GRWD1: variants seen among roughly 807,000 people sequenced by gnomAD.
The protein encoded by GRWD1 is glutamate rich WD repeat containing 1, also known as glutamate-rich WD repeat-containing protein 1.
Under a neutral mutation model 45.3 loss-of-function variants are expected in GRWD1, and 29 were observed. The ratio of observed to expected loss-of-function variants is 0.64; its 90% CI spans 0.48 to 0.87. The LOEUF is 0.87. Ranked by LOEUF, GRWD1 falls within the 40% of genes least tolerant of loss-of-function variation. GRWD1 has a pLI of 0.00. For synonymous variants in GRWD1, 262 were observed against 257.6 expected (o/e 1.02, Z -0.16); for missense variants, 592 against 618.8 (o/e 0.96, Z 0.46).
chr19:48,449,435 A>AT (rs1207157698), intron 3 of GRWD1, among the ~76,000 whole-genome samples: 3 of 152,168 alleles, frequency 2.0e-5, no homozygotes, highest in Non-Finnish European at 4.4e-5. Context: ...GGTGCTGGGC[A>AT]TGAGGACCAA....
chr19:48,448,708 G>A (rs915046604), intron 3 of GRWD1, among the ~76,000 whole-genome samples: 7 of 152,224 alleles, frequency 4.6e-5, no homozygotes, highest in African/African-American at 1.4e-4. Flanking sequence ...AAAAACACAA[G>A]TTCAAAGGCC....
chr19:48,449,303 A>G (rs1161522575), intron 3 of GRWD1, among the ~76,000 whole-genome samples: 1 of 152,134 alleles, frequency 6.6e-6, no homozygotes, highest in Non-Finnish European at 1.5e-5. Context: ...CATGTTGGCC[A>G]GGGTGGTCTC....
In GRWD1 at chr19:48,446,042, A is replaced by C. The variant is rs1971396013; in HGVS notation, c.37A>C (p.Thr13Pro). Residue 13 changes from threonine (T) to proline (P), a missense_variant, in exon 1 of 7, where the codon ACC (threonine) becomes CCC (proline). Coordinates refer to ENST00000253237, the MANE Select transcript of GRWD1 (RefSeq NM_031485.4). ...ARKGRRRTCE[T>P]GEPMEAESGD... ...CAAGGGTCGGCGGCGCACGTGTGAAACCGGGGAACCCATGGAAGCCGAGTC... is the reference window on the plus strand; with the variant it reads ...CAAGGGTCGGCGGCGCACGTGTGAACCCGGGGAACCCATGGAAGCCGAGTC... 6.3e-7 allele frequency: 1 copy of C among 1,596,776 alleles called. No homozygotes were observed. The highest frequency in any genetic ancestry group is 8.5e-7 in the Non-Finnish European group (1 of 1,173,194).
At position 48,450,832 on chromosome 19, in the gene GRWD1, C is replaced by T. The variant is rs773630369; in HGVS notation, c.825+24C>T. The stretch of plus-strand genomic sequence containing the variant: ...CGGTGAGGGAGGGTGGGGTTCTGGT[C>T]GTTTAGTTCTGATGGATTCTAGGCC... On this transcript the variant is annotated intron_variant, in intron 5 of 6. Transcript: ENST00000253237. The surrounding 1 kb of genome is among the most constrained non-coding windows in gnomAD (Gnocchi z 5.1). 1.1e-5 allele frequency: 18 copies of T among 1,603,160 alleles called. No individual in the cohort carries two copies. Among genetic ancestry groups the T allele is most frequent in the Admixed American group, 6.8e-5 (4 of 58,610 alleles).
At chr19:48,448,361 G>A (rs116763094) in intron 3 of GRWD1, among the ~76,000 whole-genome samples, 3,570 of 152,232 alleles carry the variant, frequency 0.023, 48 homozygotes, top group Middle Eastern at 0.068. Context: ...CTGATAGCTG[G>A]GGCTGTCTGT....
intron 3 of GRWD1, among the ~76,000 whole-genome samples, chr19:48,447,369 A>C (rs1042097320): frequency 6.6e-6 from 1 of 151,952 alleles, no homozygotes; most frequent in Non-Finnish European, 1.5e-5. Flanking sequence ...GCCTCAGCCA[A>C]GTAGCTGAGA....
At chr19:48,447,435 G>A (rs1303773083) in intron 3 of GRWD1, among the ~76,000 whole-genome samples, 3 of 151,670 alleles carry the variant, frequency 2.0e-5, no homozygotes, top group African/African-American at 7.3e-5. Context: ...TAGGGACGGG[G>A]TTTCACAATG....
rs561743296 is a variant in GRWD1 at position 48,452,280 on chromosome 19, T to C, written c.1024-428T>C. Among the ~76,000 whole-genome samples, 11 of 152,014 alleles carry C rather than the reference T, an allele frequency of 7.2e-5. No individual in the cohort carries two copies. Among genetic ancestry groups the C allele is most frequent in the African/African-American group, 2.4e-4 (10 of 41,482 alleles). Reference sequence around the variant, plus strand: ...AGCCCGGCTAATTTTGTATTTTTAGTAGAGATGGGGTTTCACCATGTTGTT... The same window carrying C: ...AGCCCGGCTAATTTTGTATTTTTAGCAGAGATGGGGTTTCACCATGTTGTT... On this transcript the variant is annotated intron_variant, in intron 6 of 6. Transcript: ENST00000253237. The surrounding 1 kb of genome is among the most constrained non-coding windows in gnomAD (Gnocchi z 5.1).
Position 48,452,879 on chromosome 19 carries a change from G to T in GRWD1, c.1195G>T (p.Gly399Ter). The change falls in exon 7 of 7, where the codon GGA becomes TGA. Residue 399 changes from glycine (G) to a stop codon, truncating the protein, a stop_gained. Coordinates refer to ENST00000253237, the MANE Select transcript of GRWD1 (RefSeq NM_031485.4). LOFTEE classifies it high-confidence loss of function. The surrounding 1 kb of genome is among the most constrained non-coding windows in gnomAD (Gnocchi z 5.1). ...PEAGDVEADP[G>*]LADLPQQLLF... ...GGCGGGCGACGTGGAGGCCGACCCC[G>T]GACTGGCCGACCTCCCGCAGCAGCT... 1 of 1,612,378 alleles carries T rather than the reference G, an allele frequency of 6.2e-7. No homozygotes were observed. Among genetic ancestry groups the T allele is most frequent in the South Asian group, 1.1e-5 (1 of 91,048 alleles).
Position 48,450,656 on chromosome 19 carries a change from C to G in GRWD1, c.683-10C>G, listed in dbSNP as rs748374645. On this transcript the variant is annotated splice_polypyrimidine_tract_variant and intron_variant, in intron 4 of 6. Coordinates refer to ENST00000253237, the MANE Select transcript of GRWD1 (RefSeq NM_031485.4). The surrounding 1 kb of genome is among the most constrained non-coding windows in gnomAD (Gnocchi z 5.1). ...GTGGGGCGAGGTCATTTCCTGACTC[C>G]CTTCCCCAGGTCGCCTGCTGACCGG... 21 of 1,612,988 alleles carry G rather than the reference C, an allele frequency of 1.3e-5. No individual in the cohort carries two copies. The highest frequency in any genetic ancestry group is 1.0e-5 in the Non-Finnish European group (12 of 1,179,598).
chr19:48,447,381 T>G (rs1177510635), intron 3 of GRWD1, among the ~76,000 whole-genome samples: 2 of 152,142 alleles, frequency 1.3e-5, no homozygotes, highest in Non-Finnish European at 2.9e-5. Flanking sequence ...TAGCTGAGAT[T>G]ACAGGTGCGC....
In GRWD1 at chr19:48,456,828, T is replaced by G. The variant is rs1971544102; in HGVS notation, c.*3803T>G. 6.6e-6 allele frequency: 1 copy of G among 151,982 alleles called. No homozygotes were observed. Among genetic ancestry groups the G allele is most frequent in the East Asian group, 1.9e-4 (1 of 5,166 alleles). The allele number at this position is 151,982 out of a possible 1,614,324, so 9.4% of individuals were successfully genotyped here. The stretch of plus-strand genomic sequence containing the variant: ...AGGCTGCTGCGATTCCCTCCATTTC[T>G]TTTCTTCCTTTATTTTTTATTTTTA... On this transcript the variant is annotated 3_prime_UTR_variant, in exon 7 of 7. Transcript: ENST00000253237.
rs1384877668 is a variant in GRWD1, at chr19:48,453,680, C to G, written c.*655C>G. 1 of 152,230 alleles carries G rather than the reference C, an allele frequency of 6.6e-6. No homozygotes were observed. The highest frequency in any genetic ancestry group is 1.5e-5 in the Non-Finnish European group (1 of 68,090). 9.4% of individuals were successfully genotyped at this position (152,230 alleles called of 1,614,324 possible). ...TTGGCTGCTGGTTCCCAGCAGGGGA[C>G]TCGGGGGATATACAGTGGCTGCACC... On this transcript the variant is annotated 3_prime_UTR_variant, in exon 7 of 7. Coordinates refer to ENST00000253237, the MANE Select transcript of GRWD1 (RefSeq NM_031485.4).
chr19:48,448,007 A>G (rs1285766004), intron 3 of GRWD1, among the ~76,000 whole-genome samples: 3 of 152,170 alleles, frequency 2.0e-5, no homozygotes, highest in Non-Finnish European at 2.9e-5. Context: ...GCTGGAGTGC[A>G]GTGGCGTGAT....
At position 48,446,173 on chromosome 19, in the gene GRWD1, C is replaced by G. The variant is rs1971399214; in HGVS notation, c.168C>G (p.Leu56=). The G allele has an allele frequency of 6.2e-7, 1 of 1,602,750 alleles. No homozygotes were observed. Among genetic ancestry groups the G allele is most frequent in the Non-Finnish European group, 8.5e-7 (1 of 1,176,802 alleles). The part of the protein sequence containing the change: ...ELVMDEEAYV[L]YHRAQTGAPC... ...TCATGGACGAGGAGGCCTATGTGCT[C>G]TACCACCGAGCGCAGACTGGTAGGG... is the stretch of plus-strand genomic sequence containing the variant. Residue 56 remains leucine, a synonymous_variant, in exon 1 of 7, where the codon CTC becomes CTG. Coordinates refer to ENST00000253237, the MANE Select transcript of GRWD1 (RefSeq NM_031485.4).
chr19:48,452,999 A>C lies in GRWD1; in HGVS notation c.1315A>C (p.Thr439Pro), dbSNP rs1971493867. 6.3e-7 allele frequency: 1 copy of C among 1,594,798 alleles called. No individual in the cohort carries two copies. Among genetic ancestry groups the C allele is most frequent in the African/African-American group, 1.3e-5 (1 of 74,538 alleles). The change falls in exon 7 of 7, where the codon ACC becomes CCC. Residue 439 changes from threonine (T) to proline (P), a missense_variant. By Grantham distance (38) the Thr-to-Pro change is conservative. Transcript: ENST00000253237. The surrounding 1 kb of genome is among the most constrained non-coding windows in gnomAD (Gnocchi z 5.1). ...GGTCAGCACGGCGCTGTCAGGCTTC[A>C]CCATCTTCCGCACCATCAGCGTCTG... ...LLVSTALSGF[T>P]IFRTISV is the part of the protein sequence containing the mutation.
Position 48,450,273 on chromosome 19 carries a change from C to T in GRWD1, c.469-40C>T, listed in dbSNP as rs1971455338. On this transcript the variant is annotated intron_variant, in intron 3 of 6. Transcript: ENST00000253237. This position sits in a 1 kb window ranked among gnomAD's most constrained non-coding sequence, Gnocchi z 5.1. ...GGTCAGTGCCTTGATCCTCCTCTCCCCTCGCTTCACATCACCCTTCCCCCA... is the reference window on the plus strand; with the variant it reads ...GGTCAGTGCCTTGATCCTCCTCTCCTCTCGCTTCACATCACCCTTCCCCCA... 6 of 1,523,178 alleles carry T rather than the reference C, an allele frequency of 3.9e-6. No homozygotes were observed. Among genetic ancestry groups the T allele is most frequent in the African/African-American group, 1.4e-5 (1 of 73,190 alleles). 94.4% of individuals were successfully genotyped at this position (1,523,178 alleles called of 1,614,324 possible). A position where few individuals can be genotyped will look rare whatever the true frequency, so the allele number is the denominator to read the frequency against.
Position 48,452,754 on chromosome 19 carries a change from C to T in GRWD1, c.1070C>T (p.Thr357Ile). 1 of 1,600,420 alleles carries T rather than the reference C, an allele frequency of 6.2e-7. No homozygotes were observed. Among genetic ancestry groups the T allele is most frequent in the Non-Finnish European group, 8.5e-7 (1 of 1,169,818 alleles). ...ATFKQHVAPV[T>I]SVEWHPQDSG... ...TTCAAGCAGCACGTGGCCCCCGTGA[C>T]CTCCGTCGAGTGGCACCCCCAGGAC... Residue 357 changes from threonine to isoleucine, a missense_variant, in exon 7 of 7, where the codon ACC becomes ATC. Thr to Ile is a moderately conservative substitution (Grantham distance 89). Transcript: ENST00000253237. This position sits in a 1 kb window ranked among gnomAD's most constrained non-coding sequence, Gnocchi z 5.1.
Position 48,451,080 on chromosome 19 carries a change from T to TCC in GRWD1, c.873_874dup (p.Arg292ProfsTer66). On this transcript the variant is annotated frameshift_variant, in exon 6 of 7. Coordinates refer to ENST00000253237, the MANE Select transcript of GRWD1 (RefSeq NM_031485.4). LOFTEE classifies it high-confidence loss of function. Reference sequence around the variant, plus strand: ...GACGCCTCCATCCGCATCTGGGACATCCGGGCAGCCCCCAGCAAGGCCTGC... The same window carrying TCC: ...GACGCCTCCATCCGCATCTGGGACATCCCCGGGCAGCCCCCAGCAAGGCCTGC... 6.2e-7 allele frequency: 1 copy of TCC among 1,614,058 alleles called. No individual in the cohort carries two copies. Among genetic ancestry groups the TCC allele is most frequent in the South Asian group, 1.1e-5 (1 of 91,078 alleles).
Sources: allele counts gnomAD v4.1 joint callset (sites outside exome capture counted in the v4.1 genomes callset), GRCh38; gene constraint gnomAD v4.1.1; non-coding constraint Gnocchi (gnomAD v3.1); transcripts MANE v1.5; gene names NCBI Gene and HGNC (gene_info 2026-07-23, HGNC 2026-07-21).